FHIT: variants seen among roughly 807,000 people sequenced by gnomAD.
FHIT encodes bis(5'-adenosyl)-triphosphatase.
A neutral mutation model predicts 17.9 loss-of-function variants in FHIT; 19 were observed. The observed-to-expected ratio is 1.06, with a 90% CI of 0.74 to 1.56. FHIT has a LOEUF of 1.56. Among genes scored for constraint, FHIT ranks in the 40% most tolerant of loss-of-function variants. The probability of loss-of-function intolerance (pLI) is 0.00; values close to 1 mark genes in which losing one functional copy is unlikely to be tolerated. For missense variants in FHIT, 248 were observed against 189.2 expected, an observed-to-expected ratio of 1.31 and a Z score of -1.82; for synonymous variants, 81 against 69.7, an observed-to-expected ratio of 1.16 and a Z score of -0.81.
chr3:61,038,747 C>A (rs1407893587), intron 3 of FHIT, among the ~76,000 whole-genome samples: 1 of 151,954 alleles, frequency 6.6e-6, no homozygotes, highest in South Asian at 2.1e-4. Flanking sequence ...GGGAAAAAGA[C>A]AATATGAAGA....
At chr3:59,881,186 C>T (rs1703395211) in intron 8 of FHIT, among the ~76,000 whole-genome samples, 1 of 152,120 alleles carries the variant, frequency 6.6e-6, no homozygotes, top group Non-Finnish European at 1.5e-5. Flanking sequence ...GTAGGCCACA[C>T]AGTAGGGACA....
chr3:60,328,378 T>C (rs1709802780), intron 5 of FHIT, among the ~76,000 whole-genome samples: 1 of 152,180 alleles, frequency 6.6e-6, no homozygotes, highest in Non-Finnish European at 1.5e-5. Flanking sequence ...GACTCACACT[T>C]CCACATGGCT....
rs535794440 is a variant in FHIT, at chr3:61,136,967, T to C, written c.-164+63650A>G. 3.3e-5 allele frequency among the ~76,000 whole-genome samples: 5 copies of C among 152,316 alleles called. No homozygotes were observed. In the East Asian group the frequency reaches 9.6e-4, roughly 29 times the overall value. Reference sequence around the variant, plus strand: ...CAAAAATGAAAACACTGGTGTCAGGTGTTAGGATTCTGCATGTATTGTTGT... The same window carrying C: ...CAAAAATGAAAACACTGGTGTCAGGCGTTAGGATTCTGCATGTATTGTTGT... On this transcript the variant is annotated intron_variant, in intron 2 of 9. Coordinates refer to ENST00000492590, the MANE Select transcript of FHIT (RefSeq NM_002012.4).
At chr3:59,752,447 T>C (rs1172229781) in intron 8 of FHIT, 126 bp from the exon 9 acceptor site, 4 of 602,586 alleles carry the variant, frequency 6.6e-6, no homozygotes, top group Non-Finnish European at 1.2e-5. Flanking sequence ...TATCTTTTAA[T>C]TGTTTCAGTT....
chr3:60,733,499 T>C (rs920762292), intron 4 of FHIT, among the ~76,000 whole-genome samples: 8 of 152,186 alleles, frequency 5.3e-5, no homozygotes, highest in Non-Finnish European at 7.3e-5. Flanking sequence ...CTCTGGGTTA[T>C]GTCATTCCTT....
intron 5 of FHIT, among the ~76,000 whole-genome samples, chr3:60,456,564 T>G (rs1482890877): frequency 6.6e-6 from 1 of 152,202 alleles, no homozygotes; most frequent in African/African-American, 2.4e-5. Context: ...TCATAGCAAT[T>G]AAGTTAATGG....
chr3:60,443,967 A>G (rs1403867034), intron 5 of FHIT, among the ~76,000 whole-genome samples: 4 of 152,198 alleles, frequency 2.6e-5, no homozygotes, highest in Non-Finnish European at 5.9e-5. Context: ...AATATCCAGA[A>G]TCTACAATGA....
intron 5 of FHIT, among the ~76,000 whole-genome samples, chr3:60,461,720 A>AG: frequency 6.6e-6 from 1 of 152,298 alleles, no homozygotes; most frequent in Middle Eastern, 3.4e-3. Flanking sequence ...CTCACCCAAT[A>AG]GCCTTAGAAA....
intron 8 of FHIT, among the ~76,000 whole-genome samples, chr3:59,892,442 C>G (rs549060565): frequency 6.6e-6 from 1 of 152,140 alleles, no homozygotes; most frequent in Non-Finnish European, 1.5e-5. Flanking sequence ...TGCCTGCCAG[C>G]CAAGATTGAT....
intron 2 of FHIT, among the ~76,000 whole-genome samples, chr3:61,194,655 T>C (rs544265709): frequency 1.3e-5 from 2 of 152,282 alleles, no homozygotes; most frequent in African/African-American, 4.8e-5. Flanking sequence ...TTAATGAAGA[T>C]TGAATATAAA....
At chr3:59,771,663 T>G (rs1213577639) in intron 8 of FHIT, among the ~76,000 whole-genome samples, 1 of 152,246 alleles carries the variant, frequency 6.6e-6, no homozygotes, top group Non-Finnish European at 1.5e-5. Flanking sequence ...CAGGAAGGGT[T>G]GTCCTAAGAA....
chr3:60,052,337 G>C (rs1033238038), intron 5 of FHIT, among the ~76,000 whole-genome samples: 15 of 152,178 alleles, frequency 9.9e-5, no homozygotes, highest in African/African-American at 3.6e-4. Context: ...TCAAACTCTA[G>C]AATCCCTAGC....
chr3:60,839,606 T>G lies in FHIT; in HGVS notation c.-110-17595A>C, dbSNP rs980226292. 2.0e-5 allele frequency among the ~76,000 whole-genome samples: 3 copies of G among 152,156 alleles called. No homozygotes were observed. The East Asian group carries it at 5.8e-4, about 29-fold the overall frequency. On this transcript the variant is annotated intron_variant, in intron 3 of 9. Coordinates refer to ENST00000492590, the MANE Select transcript of FHIT (RefSeq NM_002012.4). ...AGTGGCTGAGAAAAAAAAATCAGAT[T>G]TACATACAGTATGTCAAGTTCACAT...
chr3:60,819,927 T>C (rs1229506817), intron 4 of FHIT, among the ~76,000 whole-genome samples: 1 of 152,216 alleles, frequency 6.6e-6, no homozygotes, highest in Admixed American at 6.5e-5. Context: ...TTAAATAGTC[T>C]ACAGTCCTTT....
chr3:59,815,169 TTGTC>T (rs1700552643), intron 8 of FHIT, among the ~76,000 whole-genome samples: 1 of 152,184 alleles, frequency 6.6e-6, no homozygotes, highest in Non-Finnish European at 1.5e-5. Context: ...GAATGAGGTC[TTGTC>T]TGTCTGTTTT....
intron 5 of FHIT, among the ~76,000 whole-genome samples, chr3:60,290,569 G>T (rs1468497775): frequency 1.3e-5 from 2 of 151,990 alleles, no homozygotes; most frequent in Non-Finnish European, 2.9e-5. Flanking sequence ...CTGACAATAA[G>T]ATATTGACAC....
chr3:60,733,656 C>T (rs1277550439), intron 4 of FHIT, among the ~76,000 whole-genome samples: 1 of 152,192 alleles, frequency 6.6e-6, no homozygotes, highest in African/African-American at 2.4e-5. Context: ...ATCCTTCATT[C>T]CTCATTACCA....
chr3:60,289,139 A>C (rs2106645467), intron 5 of FHIT, among the ~76,000 whole-genome samples: 1 of 152,344 alleles, frequency 6.6e-6, no homozygotes, highest in South Asian at 2.1e-4. Context: ...AGAGGAGGAA[A>C]GAAGAATAAG....
At chr3:61,146,997 C>T (rs913664845) in intron 2 of FHIT, among the ~76,000 whole-genome samples, 1 of 151,936 alleles carries the variant, frequency 6.6e-6, no homozygotes, top group Admixed American at 6.6e-5. Context: ...CTTTTGTTTC[C>T]ACCCAGTGGA....
Sources: allele counts gnomAD v4.1 joint callset (sites outside exome capture counted in the v4.1 genomes callset), GRCh38; gene constraint gnomAD v4.1.1; transcripts MANE v1.5; gene names NCBI Gene and HGNC (gene_info 2026-07-23, HGNC 2026-07-21).